The following NME7 variants were observed in gnomAD, a reference collection of about 807,000 sequenced individuals.
NME7 encodes the protein nucleoside diphosphate kinase 7.
A neutral mutation model predicts 49.1 loss-of-function variants in NME7; 41 were observed. That is an observed-to-expected ratio of 0.83 (90% CI 0.65 to 1.08). The LOEUF (loss-of-function observed/expected upper bound fraction) is 1.08. Among genes scored for constraint, NME7 ranks in the 50% least tolerant of loss-of-function variants. The probability of loss-of-function intolerance (pLI) is 0.00; values close to 1 mark genes in which losing one functional copy is unlikely to be tolerated. For synonymous variants in NME7, 139 were observed against 150.6 expected (o/e 0.92, Z 0.56); for missense variants, 423 against 463.4 (o/e 0.91, Z 0.80).
At chr1:169,144,658 G>A (rs780383987) in intron 11 of NME7, among the ~76,000 whole-genome samples, 29 of 152,204 alleles carry the variant, frequency 1.9e-4, no homozygotes, top group South Asian at 6.2e-4. Context: ...TTATTTAGCC[G>A]TAGTGCCTAG....
chr1:169,276,673 G>GT (rs1558018210), intron 7 of NME7, among the ~76,000 whole-genome samples: 3 of 131,970 alleles, frequency 2.3e-5, no homozygotes, highest in South Asian at 2.4e-4. Flanking sequence ...AGGGTTTTTT[G>GT]GTCTCTATTT....
chr1:169,148,779 T>C (rs1470901958), intron 11 of NME7, among the ~76,000 whole-genome samples: 1 of 152,192 alleles, frequency 6.6e-6, no homozygotes, highest in Non-Finnish European at 1.5e-5. Context: ...GTGTTGGTGG[T>C]TGGTAATGTG....
At chr1:169,299,959 A>T (rs1306421685) in intron 5 of NME7, among the ~76,000 whole-genome samples, 2 of 152,132 alleles carry the variant, frequency 1.3e-5, no homozygotes, top group East Asian at 3.8e-4. Flanking sequence ...CTGTGCCACA[A>T]AAAAGATCCC....
intron 1 of NME7, among the ~76,000 whole-genome samples, chr1:169,345,558 A>G (rs192718377): frequency 1.7e-4 from 26 of 151,966 alleles, no homozygotes; most frequent in African/African-American, 6.3e-4. Context: ...TTAAGGTAGA[A>G]CCTTAAGTTG....
intron 6 of NME7, among the ~76,000 whole-genome samples, chr1:169,294,958 C>T (rs541625728): frequency 6.6e-6 from 1 of 152,084 alleles, no homozygotes; most frequent in Non-Finnish European, 1.5e-5. Context: ...AATGCCCTCC[C>T]TCCAAGGTGA....
chr1:169,153,375 T>C (rs1658963986), intron 11 of NME7, among the ~76,000 whole-genome samples: 1 of 152,144 alleles, frequency 6.6e-6, no homozygotes, highest in Admixed American at 6.5e-5. Context: ...TCCAAATTTA[T>C]CTCCCATACT....
In NME7 at chr1:169,258,292, G is replaced by T. The variant is rs532388703; in HGVS notation, c.755-20605C>A. 2.6e-4 allele frequency among the ~76,000 whole-genome samples: 32 copies of T among 123,882 alleles called. 2 individuals are homozygous for T. The highest frequency in any genetic ancestry group is 8.1e-4 in the African/African-American group (30 of 37,200). 81.3% of individuals were successfully genotyped at this position (123,882 alleles called of 152,430 possible). A position where few individuals can be genotyped will look rare whatever the true frequency, so the allele number is the denominator to read the frequency against. On this transcript the variant is annotated intron_variant, in intron 7 of 11. Transcript: ENST00000367811. ...AGGAGGTTGTGGTTGAGGTTCCAGTGAGCTATGATCAGGTCACTGCACTCA... is the reference window on the plus strand; with the variant it reads ...AGGAGGTTGTGGTTGAGGTTCCAGTTAGCTATGATCAGGTCACTGCACTCA...
intron 4 of NME7, 58 bp from the exon 5 acceptor site, chr1:169,303,253 T>C: frequency 1.3e-6 from 1 of 777,458 alleles, no homozygotes; most frequent in Non-Finnish European, 2.0e-6. Context: ...ACTTATTATT[T>C]TAGCTTACAT....
Position 169,343,301 on chromosome 1 carries a change from T to C in NME7, c.4-18801A>G, listed in dbSNP as rs560859872. Among the ~76,000 whole-genome samples the C allele has an allele frequency of 5.9e-5, 9 of 152,192 alleles. No homozygotes were observed. The East Asian group carries it at 1.5e-3, about 26-fold the overall frequency. Reference sequence around the variant, plus strand: ...CTCCTTTTCATGCATGGTGTGAGATTAGTCGAAATTGCTCTTTCTACATGT... The same window carrying C: ...CTCCTTTTCATGCATGGTGTGAGATCAGTCGAAATTGCTCTTTCTACATGT... On this transcript the variant is annotated intron_variant, in intron 1 of 11. Transcript: ENST00000367811.
Position 169,230,839 on chromosome 1 carries a change from A to AT in NME7, c.889-21_889-20insA. 6.8e-7 allele frequency: 1 copy of AT among 1,472,410 alleles called. No homozygotes were observed. Among genetic ancestry groups the AT allele is most frequent in the Non-Finnish European group, 9.2e-7 (1 of 1,086,848 alleles). The allele number at this position is 1,472,410 out of a possible 1,614,324, so 91.2% of individuals were successfully genotyped here. A position where few individuals can be genotyped will look rare whatever the true frequency, so the allele number is the denominator to read the frequency against. On this transcript the variant is annotated intron_variant, in intron 9 of 11. Coordinates refer to ENST00000367811, the MANE Select transcript of NME7 (RefSeq NM_013330.5). The stretch of plus-strand genomic sequence containing the variant: ...CATGTCCTATGATATGTAATATAAA[A>AT]GAATGAAAAGAATTTAACAATTTTT...
rs1331625296 is a variant in NME7 at position 169,272,107 on chromosome 1, T to A, written c.754+15196A>T. ...AAATTTCTTTGCCTTAATTAAGTTA[T>A]ATGACCTAATGTTATATATCAAATA... On this transcript the variant is annotated intron_variant, in intron 7 of 11. Coordinates refer to ENST00000367811, the MANE Select transcript of NME7 (RefSeq NM_013330.5). Among the ~76,000 whole-genome samples the A allele has an allele frequency of 1.5e-4, 20 of 132,340 alleles. 5 individuals are homozygous for A. The highest frequency in any genetic ancestry group is 1.5e-3 in the Admixed American group (20 of 13,420). The allele number at this position is 132,340 out of a possible 152,430, so 86.8% of individuals were successfully genotyped here.
chr1:169,278,100 C>T (rs908747476), intron 7 of NME7, among the ~76,000 whole-genome samples: 4 of 151,506 alleles, frequency 2.6e-5, no homozygotes, highest in African/African-American at 9.7e-5. Flanking sequence ...CCCGACCTTT[C>T]TCTCTGGCTG....
intron 10 of NME7, among the ~76,000 whole-genome samples, chr1:169,176,625 T>C (rs1407625719): frequency 6.6e-6 from 1 of 152,168 alleles, no homozygotes; most frequent in Non-Finnish European, 1.5e-5. Flanking sequence ...TATTGCCTCT[T>C]ACTGATCTGT....
intron 10 of NME7, among the ~76,000 whole-genome samples, chr1:169,207,430 A>G (rs1660702603): frequency 6.6e-6 from 1 of 152,094 alleles, no homozygotes; most frequent in African/African-American, 2.4e-5. Flanking sequence ...TCTATTCCCA[A>G]AAGCCATAGG....
intron 7 of NME7, among the ~76,000 whole-genome samples, chr1:169,240,683 G>C (rs1177498548): frequency 6.6e-6 from 1 of 151,788 alleles, no homozygotes; most frequent in African/African-American, 2.4e-5. Context: ...CCAGCTCACT[G>C]AGTTATGCAG....
chr1:169,353,650 T>C (rs1469719819), intron 1 of NME7, among the ~76,000 whole-genome samples: 2 of 151,882 alleles, frequency 1.3e-5, no homozygotes, highest in Non-Finnish European at 2.9e-5. Context: ...AAACTAACCA[T>C]CTAACAAGAC....
chr1:169,271,621 G>A (rs1301483546), intron 7 of NME7, among the ~76,000 whole-genome samples: 1 of 133,222 alleles, frequency 7.5e-6, no homozygotes, highest in Non-Finnish European at 1.8e-5. Flanking sequence ...GCCCTTTATT[G>A]TATTAAGGAA....
chr1:169,340,997 G>C (rs1464758419), intron 1 of NME7, among the ~76,000 whole-genome samples: 1 of 152,216 alleles, frequency 6.6e-6, no homozygotes, highest in African/African-American at 2.4e-5. Context: ...CCATTTTCTA[G>C]GGAGGAATTC....
intron 1 of NME7, among the ~76,000 whole-genome samples, chr1:169,340,873 C>A (rs1462674380): frequency 6.6e-6 from 1 of 152,118 alleles, no homozygotes; most frequent in Non-Finnish European, 1.5e-5. Context: ...AAGAGGTGAC[C>A]TGGCATTTTC....
Sources: gnomAD v4.1 joint callset for allele counts (sites outside exome capture counted in the v4.1 genomes callset) on GRCh38, gnomAD v4.1.1 for gene constraint, MANE v1.5 for transcripts, NCBI Gene and HGNC (gene_info 2026-07-23, HGNC 2026-07-21) for gene names.